SPATA3: variants seen among roughly 807,000 people sequenced by gnomAD.
The protein encoded by SPATA3 is spermatogenesis associated 3.
Under a neutral mutation model 5.7 loss-of-function variants are expected in SPATA3, and 6 were observed. The ratio of observed to expected loss-of-function variants is 1.06; its 90% CI spans 0.58 to 2.09. The LOEUF is 2.09. Among genes scored for constraint, SPATA3 ranks in the 30% most tolerant of loss-of-function variants. The probability of loss-of-function intolerance (pLI) is 0.00; values close to 1 mark genes in which losing one functional copy is unlikely to be tolerated. For synonymous variants in SPATA3, 44 were observed against 48.4 expected (o/e 0.91, Z 0.37); for missense variants, 155 against 130.4 (o/e 1.19, Z -0.92).
chr2:230,999,181 A>G (rs1351545170), intron 1 of SPATA3, among the ~76,000 whole-genome samples: 1 of 152,188 alleles, frequency 6.6e-6, no homozygotes, highest in South Asian at 2.1e-4. Flanking sequence ...GAATGATTCT[A>G]TTTACATGAA....
chr2:231,005,499 T>TCAC (rs1692578528), downstream of SPATA3, among the ~76,000 whole-genome samples: 1 of 25,668 alleles, frequency 3.9e-5, no homozygotes, highest in Admixed American at 3.5e-4. Context: ...ATCACCACCA[T>TCAC]CATCACCACC....
At chr2:231,014,884 C>G (rs1383383384) in intron 6 of SPATA3, among the ~76,000 whole-genome samples, 1 of 152,136 alleles carries the variant, frequency 6.6e-6, no homozygotes, top group Non-Finnish European at 1.5e-5. Flanking sequence ...TTTTGTAGGT[C>G]GGGTGTTAAG....
chr2:231,015,207 G>A (rs1352921087), intron 6 of SPATA3, among the ~76,000 whole-genome samples: 2 of 151,756 alleles, frequency 1.3e-5, no homozygotes, highest in Non-Finnish European at 2.9e-5. Context: ...CCACCTGAGT[G>A]GCTGGGACTA....
intron 1 of SPATA3, 26 bp downstream of exon 1, chr2:230,996,560 T>C (rs1214787892): frequency 5.8e-6 from 9 of 1,546,940 alleles, no homozygotes; most frequent in Non-Finnish European, 7.9e-6. Flanking sequence ...GCTTCAGCAG[T>C]TCCAGCCTTC....
At chr2:231,006,357 G>A (rs1225487715), downstream of SPATA3, among the ~76,000 whole-genome samples, 3 of 149,218 alleles carry the variant, frequency 2.0e-5, no homozygotes, top group African/African-American at 7.4e-5. Flanking sequence ...AAAAAAAATA[G>A]CCGGGCGTGG....
chr2:231,020,000 T>C (rs1211231915), intron 7 of SPATA3: 1 of 140,028 alleles, frequency 7.1e-6, no homozygotes. Context: ...ACCTAAAGTG[T>C]GGACATACCA....
At chr2:231,009,704 C>T (rs75028910), downstream of SPATA3, among the ~76,000 whole-genome samples, 230 of 152,328 alleles carry the variant, frequency 1.5e-3, 3 homozygotes, top group East Asian at 0.016. Flanking sequence ...TTCATCCTGC[C>T]GAGTGCAGTT....
At chr2:231,015,365 A>G (rs1465298030) in intron 6 of SPATA3, among the ~76,000 whole-genome samples, 1 of 141,096 alleles carries the variant, frequency 7.1e-6, no homozygotes, top group African/African-American at 2.7e-5. Flanking sequence ...TTCAGGTGTG[A>G]GCCACCATGG....
chr2:231,009,006 G>A (rs1388825178), downstream of SPATA3, among the ~76,000 whole-genome samples: 2 of 151,838 alleles, frequency 1.3e-5, no homozygotes, highest in African/African-American at 2.4e-5. Context: ...GTCCCTCCTG[G>A]TACCCATCAC....
chr2:231,017,923 G>A (rs527949464), intron 6 of SPATA3, among the ~76,000 whole-genome samples: 1 of 144,164 alleles, frequency 6.9e-6, no homozygotes, highest in Non-Finnish European at 1.5e-5. Flanking sequence ...GTCTGATAGA[G>A]AAACTTTTTT....
chr2:231,016,787 C>G, intron 6 of SPATA3, among the ~76,000 whole-genome samples: 1 of 152,170 alleles, frequency 6.6e-6, no homozygotes, highest in East Asian at 1.9e-4. Context: ...GGAGGCTTCC[C>G]CTGGAGGAGC....
intron 1 of SPATA3, chr2:230,996,504 G>A (rs202007096): frequency 7.3e-5 from 114 of 1,551,906 alleles, no homozygotes; most frequent in East Asian, 3.4e-4. Context: ...AGATGCTAAC[G>A]TGAAGGCAGC....
intron 6 of SPATA3, among the ~76,000 whole-genome samples, chr2:231,014,879 T>C (rs1692887393): frequency 6.6e-6 from 1 of 152,198 alleles, no homozygotes; most frequent in African/African-American, 2.4e-5. Flanking sequence ...AAGCCTTTTG[T>C]AGGTCGGGTG....
chr2:231,003,095 G>A (rs956170794), downstream of SPATA3, among the ~76,000 whole-genome samples: 2 of 152,144 alleles, frequency 1.3e-5, no homozygotes, highest in African/African-American at 2.4e-5. Context: ...TGGGGGCAAA[G>A]GTTTCTACCC....
chr2:231,002,388 T>TA (rs1156612699), intron 2 of SPATA3, among the ~76,000 whole-genome samples: 1 of 152,170 alleles, frequency 6.6e-6, no homozygotes, highest in East Asian at 1.9e-4. Flanking sequence ...GTGAGGTATT[T>TA]AGCACAAGGC....
chr2:231,018,226 G>A (rs1194583991), intron 6 of SPATA3, among the ~76,000 whole-genome samples: 1 of 152,096 alleles, frequency 6.6e-6, no homozygotes, highest in Non-Finnish European at 1.5e-5. Context: ...CACCCATCAT[G>A]ACGGAGAAAT....
Position 231,000,359 on chromosome 2 carries a change from C to T in SPATA3, c.791-7C>T. ...CCTCCCTCACCTCTCTCCTTCTGTC[C>T]CCACAGGGCCTCTGATTCGCGCCGG... On this transcript the variant is annotated splice_region_variant and splice_polypyrimidine_tract_variant and intron_variant, in intron 1 of 2. Transcript: ENST00000645363. The T allele has an allele frequency of 6.8e-7, 1 of 1,473,916 alleles. No homozygotes were observed. Among genetic ancestry groups the T allele is most frequent in the Non-Finnish European group, 9.1e-7 (1 of 1,102,280 alleles). 91.3% of individuals were successfully genotyped at this position (1,473,916 alleles called of 1,614,324 possible). A position where few individuals can be genotyped will look rare whatever the true frequency, so the allele number is the denominator to read the frequency against.
chr2:231,005,079 TCATCAC>T (rs1692505113), downstream of SPATA3, among the ~76,000 whole-genome samples: 3 of 72,792 alleles, frequency 4.1e-5, no homozygotes, highest in Admixed American at 4.2e-4. Flanking sequence ...ACCACCACCA[TCATCAC>T]CATCACCATC....
chr2:230,998,901 A>G (rs1692239274), intron 1 of SPATA3, among the ~76,000 whole-genome samples: 1 of 152,236 alleles, frequency 6.6e-6, no homozygotes, highest in African/African-American at 2.4e-5. Context: ...GAAGCATCTT[A>G]TTAAGCATAT....
Sources: allele counts gnomAD v4.1 joint callset (sites outside exome capture counted in the v4.1 genomes callset), GRCh38; gene constraint gnomAD v4.1.1; transcripts MANE v1.5; gene names NCBI Gene and HGNC (gene_info 2026-07-23, HGNC 2026-07-21).